Variants in INPP4B observed in about 807,000 individuals in gnomAD.
INPP4B encodes inositol polyphosphate-4-phosphatase type II B, also known as inositol polyphosphate 4-phosphatase type II.
INPP4B carries 55 observed loss-of-function variants against 122.5 expected under a neutral mutation model. That is an observed-to-expected ratio of 0.45 (90% confidence interval 0.36 to 0.56). The LOEUF (loss-of-function observed/expected upper bound fraction) is 0.56. Among genes scored for constraint, INPP4B ranks in the 20% least tolerant of loss-of-function variants. The pLI, the probability that INPP4B is intolerant of heterozygous loss-of-function variation, is 0.00. For synonymous variants in INPP4B, 403 were observed against 388.7 expected (o/e 1.04, Z -0.43); for missense variants, 1,000 against 1,097.7 (o/e 0.91, Z 1.26).
intron 1 of INPP4B, among the ~76,000 whole-genome samples, chr4:142,735,259 C>T (rs899740459): frequency 5.3e-5 from 8 of 152,084 alleles, no homozygotes; most frequent in Admixed American, 2.0e-4. Flanking sequence ...AAAATTTGGG[C>T]AACTTTAGCC....
intron 21 of INPP4B, among the ~76,000 whole-genome samples, chr4:142,115,889 C>G (rs1415783843): frequency 1.3e-5 from 2 of 152,058 alleles, no homozygotes; most frequent in South Asian, 4.2e-4. Context: ...AAGTCAAGAC[C>G]CATCAGTGTG....
intron 7 of INPP4B, among the ~76,000 whole-genome samples, chr4:142,398,104 G>A (rs1482253619): frequency 6.6e-6 from 1 of 151,302 alleles, no homozygotes; most frequent in Non-Finnish European, 1.5e-5. Flanking sequence ...GCCTGGGCGC[G>A]GTGGCTCACG....
At chr4:142,638,025 C>A (rs986183289) in intron 2 of INPP4B, among the ~76,000 whole-genome samples, 1 of 151,850 alleles carries the variant, frequency 6.6e-6, no homozygotes, top group Admixed American at 6.6e-5. Context: ...GGTCTTTTGC[C>A]CATTTAAAAA....
rs553647393 is a variant in INPP4B at position 142,277,668 on chromosome 4, T to TATAC, written c.504-6895_504-6894insGTAT. ...CAATGGGTGGATAAAGAAAATATCA[T>TATAC]ACACACACACACATACACACACACA... is the stretch of plus-strand genomic sequence containing the variant. On this transcript the variant is annotated intron_variant, in intron 9 of 25. Coordinates refer to ENST00000262992, the MANE Select transcript of INPP4B (RefSeq NM_001101669.3). Among the ~76,000 whole-genome samples, 701 of 101,738 alleles carry TATAC rather than the reference T, an allele frequency of 6.9e-3. 17 individuals are homozygous for TATAC. Among genetic ancestry groups the TATAC allele is most frequent in the Admixed American group, 0.068 (607 of 8,968 alleles). 66.7% of individuals were successfully genotyped at this position (101,738 alleles called of 152,430 possible).
rs549155361 is a variant in INPP4B, at chr4:142,645,954, G to T, written c.-191+79885C>A. On this transcript the variant is annotated intron_variant, in intron 2 of 25. Coordinates refer to ENST00000262992, the MANE Select transcript of INPP4B (RefSeq NM_001101669.3). ...GCTGGGACTTTAATGAAAATACAGA[G>T]ACCTGTGTTATACAATCAGAAAGAG... 5.3e-5 allele frequency among the ~76,000 whole-genome samples: 8 copies of T among 152,208 alleles called. No individual in the cohort carries two copies. The East Asian group carries it at 1.5e-3, about 29-fold the overall frequency.
At chr4:142,152,951 T>C (rs1206686586) in intron 17 of INPP4B, among the ~76,000 whole-genome samples, 2 of 152,200 alleles carry the variant, frequency 1.3e-5, no homozygotes, top group African/African-American at 4.8e-5. Context: ...ACTGACTTAC[T>C]AATCTGTTAT....
rs540380625 is a variant in INPP4B, at chr4:142,043,799, G to T, written c.2643-14885C>A. Among the ~76,000 whole-genome samples, 113 of 152,242 alleles carry T rather than the reference G, an allele frequency of 7.4e-4. 1 individual carries two copies. The highest frequency in any genetic ancestry group is 2.6e-3 in the African/African-American group (108 of 41,550). Reference sequence around the variant, plus strand: ...CACAGACATCATTCTCTAGATGTAGGGTGGGCAAACACTGAAGACTTATGA... The same window carrying T: ...CACAGACATCATTCTCTAGATGTAGTGTGGGCAAACACTGAAGACTTATGA... On this transcript the variant is annotated intron_variant, in intron 25 of 25. Coordinates refer to ENST00000262992, the MANE Select transcript of INPP4B (RefSeq NM_001101669.3).
At chr4:142,576,649 GTTAC>G (rs1265557220) in intron 2 of INPP4B, among the ~76,000 whole-genome samples, 6 of 151,938 alleles carry the variant, frequency 3.9e-5, no homozygotes, top group Non-Finnish European at 7.4e-5. Context: ...GGCCCTTTCA[GTTAC>G]ACCTTTTAAA....
chr4:142,078,441 G>A (rs1316218251), intron 25 of INPP4B, among the ~76,000 whole-genome samples: 1 of 151,912 alleles, frequency 6.6e-6, no homozygotes, highest in Non-Finnish European at 1.5e-5. Context: ...GAAAGTTTTA[G>A]AAACCCATGT....
intron 2 of INPP4B, among the ~76,000 whole-genome samples, chr4:142,605,188 G>A (rs1418467048): frequency 6.6e-6 from 1 of 151,866 alleles, no homozygotes; most frequent in African/African-American, 2.4e-5. Flanking sequence ...AACGGTGCTG[G>A]GAAAACTGAA....
chr4:142,745,688 G>A (rs369055081), intron 1 of INPP4B, among the ~76,000 whole-genome samples: 4 of 151,558 alleles, frequency 2.6e-5, no homozygotes, highest in Non-Finnish European at 5.9e-5. Flanking sequence ...CAAAAAAGTC[G>A]ATTTAAATTT....
At chr4:142,174,632 C>CT (rs34766161) in intron 15 of INPP4B, among the ~76,000 whole-genome samples, 103,340 of 151,146 alleles carry the variant, frequency 0.68, 38,796 homozygotes, top group Non-Finnish European at 0.83. Flanking sequence ...TTATTGACTT[C>CT]TTTTTTTTAA....
chr4:142,799,360 T>C (rs1352011079), intron 1 of INPP4B, among the ~76,000 whole-genome samples: 2 of 151,888 alleles, frequency 1.3e-5, no homozygotes, highest in African/African-American at 4.8e-5. Context: ...AATTAGACAA[T>C]TCCAAAAAAC....
chr4:142,363,965 T>C (rs1284625161), intron 7 of INPP4B, among the ~76,000 whole-genome samples: 1 of 152,014 alleles, frequency 6.6e-6, no homozygotes, highest in African/African-American at 2.4e-5. Flanking sequence ...CTTGGGCTTG[T>C]TCCATCGATT....
chr4:142,441,453 C>T (rs1392661450), intron 3 of INPP4B, among the ~76,000 whole-genome samples: 2 of 152,042 alleles, frequency 1.3e-5, no homozygotes, highest in Non-Finnish European at 2.9e-5. Context: ...GAATTTTAGT[C>T]AAGGATAGTT....
At chr4:142,642,445 T>A (rs1750720473) in intron 2 of INPP4B, among the ~76,000 whole-genome samples, 1 of 152,180 alleles carries the variant, frequency 6.6e-6, no homozygotes. Flanking sequence ...AATTTTTGTA[T>A]AAGGTATAAG....
chr4:142,254,959 G>A (rs1225391745), intron 11 of INPP4B, among the ~76,000 whole-genome samples: 1 of 152,038 alleles, frequency 6.6e-6, no homozygotes, highest in African/African-American at 2.4e-5. Context: ...AGAGAGAAAG[G>A]TCGGGTTACC....
chr4:142,195,276 A>T (rs891077658), intron 14 of INPP4B, among the ~76,000 whole-genome samples: 1 of 152,216 alleles, frequency 6.6e-6, no homozygotes, highest in African/African-American at 2.4e-5. Context: ...GCTGTCAAGA[A>T]ATGGAGAGGG....
At chr4:142,649,128 C>T (rs1752412747) in intron 2 of INPP4B, among the ~76,000 whole-genome samples, 1 of 152,284 alleles carries the variant, frequency 6.6e-6, no homozygotes. Flanking sequence ...AGCTGAGGGA[C>T]CTGACTGTTC....
Sources: allele counts gnomAD v4.1 joint callset (sites outside exome capture counted in the v4.1 genomes callset), GRCh38; gene constraint gnomAD v4.1.1; transcripts MANE v1.5; gene names NCBI Gene and HGNC (gene_info 2026-07-23, HGNC 2026-07-21).